The following ASPHD1 variants were observed in gnomAD, a reference collection of about 807,000 sequenced individuals.
ASPHD1 encodes aspartate beta-hydroxylase domain containing 1.
A neutral mutation model predicts 28.3 loss-of-function variants in ASPHD1; 20 were observed. The observed-to-expected ratio is 0.71, with a 90% CI of 0.50 to 1.03. ASPHD1 has a LOEUF of 1.03. Ranked by LOEUF, ASPHD1 falls within the 50% of genes least tolerant of loss-of-function variation. The pLI, the probability that ASPHD1 is intolerant of heterozygous loss-of-function variation, is 0.00. For missense variants in ASPHD1, 479 were observed against 524.1 expected, an observed-to-expected ratio of 0.91 and a Z score of 0.84; for synonymous variants, 240 against 221.2, an observed-to-expected ratio of 1.08 and a Z score of -0.75.
chr16:29,910,096 TA>T (rs529199170), downstream of ASPHD1, among the ~76,000 whole-genome samples: 366 of 110,426 alleles, frequency 3.3e-3, no homozygotes, highest in Middle Eastern at 5.2e-3. Context: ...AGACTCTGTC[TA>T]AAAAAAAAAA....
downstream of ASPHD1, chr16:29,906,526 T>C: frequency 2.1e-6 from 1 of 483,492 alleles, no homozygotes; most frequent in Non-Finnish European, 4.1e-6. Context: ...CAGACTGTGG[T>C]GATGTCAGGA....
At chr16:29,907,048 G>A (rs2068625938), downstream of ASPHD1, 4 of 1,613,900 alleles carry the variant, frequency 2.5e-6, no homozygotes, top group Admixed American at 1.7e-5. Flanking sequence ...GGGCCCCGGG[G>A]AGTCTCGTAG....
intron 3 of ASPHD1, among the ~76,000 whole-genome samples, chr16:29,916,022 G>C (rs2150839640): frequency 6.6e-6 from 1 of 152,180 alleles, no homozygotes; most frequent in Admixed American, 6.5e-5. Context: ...CAAGAAGCCA[G>C]GTGGCACCTT....
chr16:29,908,989 AATT>A (rs2068659674), downstream of ASPHD1, among the ~76,000 whole-genome samples: 1 of 151,826 alleles, frequency 6.6e-6, no homozygotes, highest in Non-Finnish European at 1.5e-5. Flanking sequence ...CATGCACTCT[AATT>A]ATTGGTTTAT....
At chr16:29,908,509 C>T (rs1320069320), downstream of ASPHD1, among the ~76,000 whole-genome samples, 3 of 152,042 alleles carry the variant, frequency 2.0e-5, no homozygotes, top group Middle Eastern at 3.2e-3. Context: ...TTCAACCTCC[C>T]GGAGTAGCTG....
chr16:29,902,674 A>ATT (rs138104558), intron 1 of ASPHD1, among the ~76,000 whole-genome samples: 11 of 150,536 alleles, frequency 7.3e-5, no homozygotes, highest in Admixed American at 3.3e-4. Context: ...CACCTGGCTA[A>ATT]TTTTTTTTTA....
downstream of ASPHD1, chr16:29,906,262 G>A (rs1462598378): frequency 1.6e-5 from 3 of 192,568 alleles, no homozygotes; most frequent in African/African-American, 2.4e-5. Flanking sequence ...GGGATTACAC[G>A]TGTGAGCCAC....
rs1384941114 is a variant in ASPHD1, at chr16:29,900,995, C to A, written c.24C>A (p.Phe8Leu). 1 of 1,558,344 alleles carries A rather than the reference C, an allele frequency of 6.4e-7. No individual in the cohort carries two copies. The highest frequency in any genetic ancestry group is 8.7e-7 in the Non-Finnish European group (1 of 1,150,598). Residue 8 changes from phenylalanine (F) to leucine (L), a missense_variant, in exon 1 of 3, where the codon TTC becomes TTA. By Grantham distance (22) the Phe-to-Leu change is conservative. Coordinates refer to ENST00000308748, the MANE Select transcript of ASPHD1 (RefSeq NM_181718.4). ...GCATGAAGGAGGGGAGAGGGAGCTT[C>A]AGCGTGGAGAGAGGACCGCGGAAGG... MKEGRGS[F>L]SVERGPRKER... is the part of the protein sequence containing the mutation.
In ASPHD1 at chr16:29,900,753, T is replaced by G. The variant is rs1451968945; in HGVS notation, c.-219T>G. The G allele has an allele frequency of 1.7e-6, 1 of 590,676 alleles. No individual in the cohort carries two copies. The highest frequency in any genetic ancestry group is 1.9e-5 in the African/African-American group (1 of 51,288). 36.6% of individuals were successfully genotyped at this position (590,676 alleles called of 1,614,324 possible). ...CAGGTCCAGGCAGGGTAGGAACCGC[T>G]GCCCAGGGGAGCTAGGAGGAAGCGG... is the stretch of plus-strand genomic sequence containing the variant. On this transcript the variant is annotated 5_prime_UTR_variant, in exon 1 of 3. Coordinates refer to ENST00000308748, the MANE Select transcript of ASPHD1 (RefSeq NM_181718.4).
chr16:29,905,959 G>A lies in ASPHD1; in HGVS notation c.*62G>A. On this transcript the variant is annotated 3_prime_UTR_variant, in exon 3 of 3. Coordinates refer to ENST00000308748, the MANE Select transcript of ASPHD1 (RefSeq NM_181718.4). Reference sequence around the variant, plus strand: ...ACACTGCGCTCAGGGACGGCTTGATGGTAGCCAGGACCTCCTCTCTACTGC... The same window carrying A: ...ACACTGCGCTCAGGGACGGCTTGATAGTAGCCAGGACCTCCTCTCTACTGC... The A allele has an allele frequency of 7.6e-7, 1 of 1,313,608 alleles. No homozygotes were observed. The highest frequency in any genetic ancestry group is 1.1e-6 in the Non-Finnish European group (1 of 927,452). The allele number at this position is 1,313,608 out of a possible 1,614,324, so 81.4% of individuals were successfully genotyped here.
intron 3 of ASPHD1, chr16:29,912,273 C>T (rs2068727445): frequency 5.2e-6 from 3 of 576,810 alleles, no homozygotes; most frequent in Non-Finnish European, 9.1e-6. Flanking sequence ...GTGCCTGCCC[C>T]GGCCACTGGC....
Position 29,906,002 on chromosome 16 carries a change from G to GGGGGGGGGGT in ASPHD1, c.*105_*106insGGGGGGGGGT. The GGGGGGGGGGT allele has an allele frequency of 1.4e-5, 6 of 414,054 alleles. No individual in the cohort carries two copies. Among genetic ancestry groups the GGGGGGGGGGT allele is most frequent in the Non-Finnish European group, 2.3e-5 (5 of 215,370 alleles). The allele number at this position is 414,054 out of a possible 1,614,324, so 25.6% of individuals were successfully genotyped here. A position where few individuals can be genotyped will look rare whatever the true frequency, so the allele number is the denominator to read the frequency against. On this transcript the variant is annotated 3_prime_UTR_variant, in exon 3 of 3. Coordinates refer to ENST00000308748, the MANE Select transcript of ASPHD1 (RefSeq NM_181718.4). ...TCTACTGCGGGGGTGGGCGGGGGCG[G>GGGGGGGGGGT]AGGATGGGAACTGGCTAGTGAGCAC...
rs772990525 is a variant in ASPHD1, at chr16:29,901,402, G to T, written c.431G>T (p.Gly144Val). The T allele has an allele frequency of 4.4e-6, 7 of 1,589,026 alleles. No homozygotes were observed. Among genetic ancestry groups the T allele is most frequent in the Middle Eastern group, 1.7e-4 (1 of 5,906 alleles). Reference protein sequence around the residue: ...GDPGEGPRTEGLVSRRLRAYA... With the variant: ...GDPGEGPRTEVLVSRRLRAYA... ...CCCGGGGAAGGACCTAGGACGGAAGGCCTAGTGAGCCGGCGGCTTCGGGCC... is the reference window on the plus strand; with the variant it reads ...CCCGGGGAAGGACCTAGGACGGAAGTCCTAGTGAGCCGGCGGCTTCGGGCC... Residue 144 changes from glycine (G) to valine (V), a missense_variant, in exon 1 of 3, where the codon GGC becomes GTC. Transcript: ENST00000308748. This position sits in a 1 kb window ranked among gnomAD's most constrained non-coding sequence, Gnocchi z 5.1.
chr16:29,915,233 T>G (rs1364616367), intron 3 of ASPHD1: 1 of 152,266 alleles, frequency 6.6e-6, no homozygotes, highest in Admixed American at 6.5e-5. Context: ...CTTGTCCTTT[T>G]GCACTGGCTC....
intron 3 of ASPHD1, chr16:29,915,025 C>T (rs902223274): frequency 6.6e-6 from 1 of 151,548 alleles, no homozygotes; most frequent in African/African-American, 2.4e-5. Flanking sequence ...ATAAGTCATA[C>T]ATATAAGTCA....
chr16:29,909,063 A>T (rs548991789), downstream of ASPHD1, among the ~76,000 whole-genome samples: 1 of 152,012 alleles, frequency 6.6e-6, no homozygotes, highest in East Asian at 1.9e-4. Flanking sequence ...TCATTCATTC[A>T]TTCATTCAAT....
intron 3 of ASPHD1, among the ~76,000 whole-genome samples, chr16:29,918,811 C>CCAGG (rs2068857568): frequency 6.6e-6 from 1 of 152,318 alleles, no homozygotes; most frequent in Admixed American, 6.5e-5. Context: ...ATGCCCACCA[C>CCAGG]CAGGCCTGGC....
At position 29,901,241 on chromosome 16, in the gene ASPHD1, G is replaced by A. The variant is rs1176084184; in HGVS notation, c.270G>A (p.Leu90=). The change falls in exon 1 of 3, where the codon CTG becomes CTA. Residue 90 remains leucine, a synonymous_variant. Transcript: ENST00000308748. The surrounding 1 kb of genome is among the most constrained non-coding windows in gnomAD (Gnocchi z 5.1). ...TGCTCTTCGGGGCCCTCACTTCCCTGTTCCTCTGGTACTGCTACCGCCTGG... is the reference window on the plus strand; with the variant it reads ...TGCTCTTCGGGGCCCTCACTTCCCTATTCCTCTGGTACTGCTACCGCCTGG... The part of the protein sequence containing the change: ...LTLLFGALTS[L]FLWYCYRLGS... 3 of 1,613,592 alleles carry A rather than the reference G, an allele frequency of 1.9e-6. No individual in the cohort carries two copies. In the African/African-American group the frequency reaches 4.0e-5, roughly 22 times the overall value.
At chr16:29,918,094 G>T (rs920065013) in intron 3 of ASPHD1, among the ~76,000 whole-genome samples, 3 of 152,204 alleles carry the variant, frequency 2.0e-5, no homozygotes, top group African/African-American at 7.2e-5. Context: ...GTTGACAATG[G>T]AAAGCATGAC....
Sources: gnomAD v4.1 joint callset for allele counts (sites outside exome capture counted in the v4.1 genomes callset) on GRCh38, gnomAD v4.1.1 for gene constraint, Gnocchi (gnomAD v3.1) non-coding constraint, MANE v1.5 for transcripts, NCBI Gene and HGNC (gene_info 2026-07-23, HGNC 2026-07-21) for gene names.